AOPEP: variants seen among roughly 807,000 people sequenced by gnomAD.
AOPEP encodes the protein aminopeptidase O.
AOPEP carries 77 observed loss-of-function variants against 98.1 expected under a neutral mutation model. The observed-to-expected ratio is 0.78, with a 90% confidence interval of 0.65 to 0.95. AOPEP has a LOEUF of 0.95. Among genes scored for constraint, AOPEP ranks in the 40% least tolerant of loss-of-function variants. AOPEP has a pLI of 0.00. For missense variants in AOPEP, 1,024 were observed against 1,024.7 expected, an observed-to-expected ratio of 1.00 and a Z score of 0.01; for synonymous variants, 346 against 365.3, an observed-to-expected ratio of 0.95 and a Z score of 0.60.
chr9:95,040,692 C>G (rs73657033), intron 13 of AOPEP, among the ~76,000 whole-genome samples: 2,342 of 152,310 alleles, frequency 0.015, 65 homozygotes, highest in African/African-American at 0.053. Flanking sequence ...CCAGTTCCCT[C>G]CTGGCCCAAG....
At chr9:95,017,465 G>A (rs528314628) in intron 13 of AOPEP, among the ~76,000 whole-genome samples, 207 of 152,264 alleles carry the variant, frequency 1.4e-3, no homozygotes, top group Non-Finnish European at 2.7e-3. Flanking sequence ...TAAAAATACA[G>A]TATTATATTC....
At chr9:94,993,436 A>G (rs2061017208) in intron 11 of AOPEP, among the ~76,000 whole-genome samples, 1 of 152,218 alleles carries the variant, frequency 6.6e-6, no homozygotes, top group African/African-American at 2.4e-5. Context: ...TTTTAAAAAA[A>G]CAAACAGAAC....
intron 11 of AOPEP, among the ~76,000 whole-genome samples, chr9:94,989,797 G>A (rs928571774): frequency 1.3e-5 from 2 of 150,914 alleles, no homozygotes; most frequent in Admixed American, 6.6e-5. Context: ...TTTTTATAGC[G>A]ACAGGGTTTC....
chr9:94,918,216 G>A (rs1037694411), intron 5 of AOPEP, among the ~76,000 whole-genome samples: 4 of 152,200 alleles, frequency 2.6e-5, no homozygotes, highest in Non-Finnish European at 4.4e-5. Context: ...GACTCCCAGC[G>A]TAGGACAGGG....
chr9:95,107,662 G>A, the AOPEP span: 15 of 380,818 alleles, frequency 3.9e-5, no homozygotes, highest in East Asian at 1.5e-4. Flanking sequence ...GACCTCCGCC[G>A]AGCCAGTGTT....
At chr9:94,908,143 T>C (rs1444989908) in intron 5 of AOPEP, among the ~76,000 whole-genome samples, 1 of 152,218 alleles carries the variant, frequency 6.6e-6, no homozygotes, top group Non-Finnish European at 1.5e-5. Flanking sequence ...TCTGGTTTTT[T>C]GACGTCAGTT....
chr9:94,955,265 G>T lies in AOPEP; in HGVS notation c.1750G>T (p.Val584Leu). 2 of 1,611,408 alleles carry T rather than the reference G, an allele frequency of 1.2e-6. No individual in the cohort carries two copies. The highest frequency in any genetic ancestry group is 1.1e-5 in the South Asian group (1 of 90,764). ...GLNPEKIFMQ[V>L]HYLKGYFLLR... ...TAATCCGGAGAAGATCTTCATGCAGGTGCATTATTTAAAGGTAAGCACATG... is the reference window on the plus strand; with the variant it reads ...TAATCCGGAGAAGATCTTCATGCAGTTGCATTATTTAAAGGTAAGCACATG... The change falls in exon 8 of 17, where the codon GTG becomes TTG. Residue 584 changes from valine (V) to leucine (L), a missense_variant. Coordinates refer to ENST00000375315, the MANE Select transcript of AOPEP (RefSeq NM_001193329.3).
chr9:95,125,053 G>T, the AOPEP span: 1 of 1,550,558 alleles, frequency 6.4e-7, no homozygotes, highest in Non-Finnish European at 8.9e-7. Flanking sequence ...TTATTCTCTG[G>T]GATGAATGAG....
chr9:94,819,049 C>T (rs763354619), intron 5 of AOPEP, among the ~76,000 whole-genome samples: 6 of 152,172 alleles, frequency 3.9e-5, no homozygotes, highest in Non-Finnish European at 8.8e-5. Context: ...ACCTGATCTT[C>T]AGGGATTTGG....
intron 11 of AOPEP, among the ~76,000 whole-genome samples, chr9:94,986,310 C>T (rs896400069): frequency 6.6e-6 from 1 of 152,174 alleles, no homozygotes; most frequent in Non-Finnish European, 1.5e-5. Context: ...CTAATTTTAC[C>T]TTAATTTCCT....
At chr9:95,142,833 C>T in the AOPEP span, among the ~76,000 whole-genome samples, 4 of 152,178 alleles carry the variant, frequency 2.6e-5, no homozygotes, top group Non-Finnish European at 4.4e-5. Flanking sequence ...GCTGTTTTTA[C>T]TCACAGAGCA....
chr9:95,143,130 CTTTACT>C, the AOPEP span, among the ~76,000 whole-genome samples: 4 of 152,190 alleles, frequency 2.6e-5, no homozygotes, highest in Non-Finnish European at 5.9e-5. Context: ...CAGGAAGACA[CTTTACT>C]TGCCATTACC....
chr9:94,773,020 G>A lies in AOPEP; in HGVS notation c.816G>A (p.Val272=), dbSNP rs1306016196. 2 of 1,612,528 alleles carry A rather than the reference G, an allele frequency of 1.2e-6. No homozygotes were observed. The highest frequency in any genetic ancestry group is 1.7e-6 in the Non-Finnish European group (2 of 1,179,282). Residue 272 remains valine (V), a synonymous_variant, in exon 3 of 17, where the codon GTG becomes GTA. Transcript: ENST00000375315. The stretch of plus-strand genomic sequence containing the variant: ...TCTGCAGGCCATGTGTTTATACTGT[G>A]GGATCTCCCATAAACAACAGGGCCC... ...DQSGRPCVYT[V]GSPINNRALF... is the part of the protein sequence containing the mutation.
At chr9:94,979,856 T>C (rs1320608314) in intron 11 of AOPEP, among the ~76,000 whole-genome samples, 1 of 152,188 alleles carries the variant, frequency 6.6e-6, no homozygotes, top group Non-Finnish European at 1.5e-5. Context: ...GCTGCCGCCG[T>C]CGTCTGTCCT....
intron 11 of AOPEP, among the ~76,000 whole-genome samples, chr9:94,988,908 CT>C (rs2060686510): frequency 6.7e-6 from 1 of 148,432 alleles, no homozygotes; most frequent in Non-Finnish European, 1.5e-5. Flanking sequence ...GTTTCTTTTC[CT>C]TTCTTTTTTT....
intron 5 of AOPEP, among the ~76,000 whole-genome samples, chr9:94,872,516 T>A (rs2135661428): frequency 6.6e-6 from 1 of 152,296 alleles, no homozygotes; most frequent in Non-Finnish European, 1.5e-5. Flanking sequence ...ACATGCCTCT[T>A]TAAGGCAAAA....
In AOPEP at chr9:94,821,885, G is replaced by GT. The variant is rs918217477; in HGVS notation, c.1364+20892dup. Among the ~76,000 whole-genome samples the GT allele has an allele frequency of 6.0e-5, 9 of 151,138 alleles. No individual in the cohort carries two copies. The South Asian group carries it at 6.3e-4, about 11-fold the overall frequency. ...AAAATGTTCTTTACCAGCATGGCAA[G>GT]TTTTTTTTTGTATTTCTAAAAGGCA... On this transcript the variant is annotated intron_variant, in intron 5 of 16. Coordinates refer to ENST00000375315, the MANE Select transcript of AOPEP (RefSeq NM_001193329.3).
At chr9:94,899,380 G>A (rs1217713562) in intron 5 of AOPEP, among the ~76,000 whole-genome samples, 1 of 149,340 alleles carries the variant, frequency 6.7e-6, no homozygotes, top group Non-Finnish European at 1.5e-5. Flanking sequence ...GTAGAGACGA[G>A]GTTTCACTGT....
At chr9:94,938,360 T>G (rs1220118083) in intron 7 of AOPEP, among the ~76,000 whole-genome samples, 1 of 152,176 alleles carries the variant, frequency 6.6e-6, no homozygotes, top group East Asian at 1.9e-4. Context: ...ATATGTTATT[T>G]GGAGAGCTGA....
Sources: gnomAD v4.1 joint callset for allele counts (sites outside exome capture counted in the v4.1 genomes callset) on GRCh38, gnomAD v4.1.1 for gene constraint, MANE v1.5 for transcripts, NCBI Gene and HGNC (gene_info 2026-07-23, HGNC 2026-07-21) for gene names.